The following SCHIP1 variants were observed in gnomAD, a reference collection of about 807,000 sequenced individuals.
SCHIP1 encodes schwannomin interacting protein 1, also known as schwannomin-interacting protein 1.
SCHIP1 carries 8 observed loss-of-function variants against 29.7 expected under a neutral mutation model. The observed-to-expected ratio is 0.27, with a 90% CI of 0.16 to 0.49. The LOEUF (loss-of-function observed/expected upper bound fraction) is 0.49, where lower values mean the gene tolerates loss of function less well. Among genes scored for constraint, SCHIP1 ranks in the 20% least tolerant of loss-of-function variants. The pLI is 0.99. For synonymous variants in SCHIP1, 76 were observed against 94.9 expected (o/e 0.80, Z 1.16); for missense variants, 193 against 294.6 (o/e 0.66, Z 2.52).
At chr3:159,669,624 C>G in the SCHIP1 span, among the ~76,000 whole-genome samples, 1 of 152,200 alleles carries the variant, frequency 6.6e-6, no homozygotes, top group East Asian at 1.9e-4. Context: ...GTCACAGACT[C>G]TTTTCATTTG....
chr3:159,511,251 G>A, the SCHIP1 span, among the ~76,000 whole-genome samples: 56 of 152,350 alleles, frequency 3.7e-4, no homozygotes, highest in East Asian at 2.9e-3. Context: ...CTCCATGGGC[G>A]TTGGACCCTC....
intron 1 of SCHIP1, among the ~76,000 whole-genome samples, chr3:159,851,472 A>G (rs1357148001): frequency 6.6e-6 from 1 of 152,170 alleles, no homozygotes; most frequent in Non-Finnish European, 1.5e-5. Context: ...ATCTACTCCA[A>G]AAGATTATTG....
chr3:159,638,822 C>T, the SCHIP1 span, among the ~76,000 whole-genome samples: 1 of 151,832 alleles, frequency 6.6e-6, no homozygotes, highest in East Asian at 1.9e-4. Context: ...TATGAATATT[C>T]ACATAATATT....
chr3:159,578,057 A>G, the SCHIP1 span, among the ~76,000 whole-genome samples: 1 of 152,264 alleles, frequency 6.6e-6, no homozygotes, highest in Admixed American at 6.5e-5. Flanking sequence ...AGATTGAGGG[A>G]CCCGGTTTTG....
At chr3:159,476,921 A>G in the SCHIP1 span, among the ~76,000 whole-genome samples, 1 of 152,110 alleles carries the variant, frequency 6.6e-6, no homozygotes. Context: ...GAAACTTTGT[A>G]ACTTTTGCCC....
the SCHIP1 span, among the ~76,000 whole-genome samples, chr3:159,694,834 T>G: frequency 1.3e-5 from 2 of 152,190 alleles, no homozygotes; most frequent in South Asian, 4.1e-4. Context: ...TTCAGTCCCT[T>G]CCAACTGAGC....
At chr3:159,290,602 C>G in the SCHIP1 span, among the ~76,000 whole-genome samples, 1 of 151,906 alleles carries the variant, frequency 6.6e-6, no homozygotes, top group African/African-American at 2.4e-5. Flanking sequence ...TGTGCCATAA[C>G]CACACAAAGA....
At chr3:159,413,688 C>T in the SCHIP1 span, among the ~76,000 whole-genome samples, 89 of 152,224 alleles carry the variant, frequency 5.8e-4, no homozygotes, top group African/African-American at 2.0e-3. Context: ...CCTCAGTTCC[C>T]TCAAGTGCAA....
At chr3:159,431,848 A>G in the SCHIP1 span, among the ~76,000 whole-genome samples, 1 of 150,846 alleles carries the variant, frequency 6.6e-6, no homozygotes, top group African/African-American at 2.4e-5. Flanking sequence ...TGATTTTCTT[A>G]TTTATCATTC....
the SCHIP1 span, among the ~76,000 whole-genome samples, chr3:159,405,242 A>G: frequency 6.6e-6 from 1 of 152,308 alleles, no homozygotes; most frequent in Non-Finnish European, 1.5e-5. Context: ...ACACTGATGA[A>G]TATCTACAAG....
intron 1 of SCHIP1, among the ~76,000 whole-genome samples, chr3:159,848,377 T>G (rs1345766526): frequency 6.6e-6 from 1 of 151,966 alleles, no homozygotes; most frequent in Non-Finnish European, 1.5e-5. Flanking sequence ...AGGATAGGAG[T>G]GGCTGTCTCC....
the SCHIP1 span, among the ~76,000 whole-genome samples, chr3:159,664,740 G>C: frequency 6.6e-6 from 1 of 152,196 alleles, no homozygotes; most frequent in Non-Finnish European, 1.5e-5. Context: ...TGGTTGGACT[G>C]AACAGAGTAT....
upstream of SCHIP1, among the ~76,000 whole-genome samples, chr3:159,837,441 G>A (rs995361823): frequency 5.9e-5 from 9 of 152,146 alleles, no homozygotes; most frequent in African/African-American, 2.2e-4. Context: ...CCAGAACCTT[G>A]GCTGGACACG....
At chr3:159,740,771 G>GGA in the SCHIP1 span, among the ~76,000 whole-genome samples, 1 of 104,884 alleles carries the variant, frequency 9.5e-6, no homozygotes, top group Non-Finnish European at 1.8e-5. Context: ...CAAAAAAAAA[G>GGA]AAAAAAAAAA....
the SCHIP1 span, among the ~76,000 whole-genome samples, chr3:159,582,466 T>C: frequency 2.0e-5 from 3 of 152,174 alleles, no homozygotes; most frequent in African/African-American, 2.4e-5. Flanking sequence ...CCCAGCCATC[T>C]GAAGGCTCGG....
At chr3:159,744,715 C>T in the SCHIP1 span, among the ~76,000 whole-genome samples, 2 of 152,186 alleles carry the variant, frequency 1.3e-5, no homozygotes. Flanking sequence ...TGTTGGCTCA[C>T]GCCTATAATC....
chr3:159,851,271 C>T (rs867926206), intron 1 of SCHIP1, among the ~76,000 whole-genome samples: 9 of 152,188 alleles, frequency 5.9e-5, no homozygotes, highest in African/African-American at 2.2e-4. Context: ...GCCTGGGCAA[C>T]AGAGCAAGAA....
the SCHIP1 span, among the ~76,000 whole-genome samples, chr3:159,426,571 T>C: frequency 6.6e-6 from 1 of 151,998 alleles, no homozygotes; most frequent in Admixed American, 6.6e-5. Flanking sequence ...GAGTCCAGGA[T>C]CAGATGGATT....
chr3:159,815,446 G>A, the SCHIP1 span, among the ~76,000 whole-genome samples: 31 of 152,330 alleles, frequency 2.0e-4, no homozygotes, highest in South Asian at 6.2e-3. Flanking sequence ...GCCATCATGT[G>A]TTGGAACTTA....
Sources: allele counts gnomAD v4.1 joint callset (sites outside exome capture counted in the v4.1 genomes callset), GRCh38; gene constraint gnomAD v4.1.1; transcripts MANE v1.5; gene names NCBI Gene and HGNC (gene_info 2026-07-23, HGNC 2026-07-21).